The following CHD6 variants were observed in gnomAD, a reference collection of about 807,000 sequenced individuals.
CHD6 encodes the protein chromodomain helicase DNA binding protein 6, also known as ATP-dependent chromatin remodeler CHD6.
A neutral mutation model predicts 276.9 loss-of-function variants in CHD6; 50 were observed. That is an observed-to-expected ratio of 0.18 (90% CI 0.14 to 0.23). The LOEUF (loss-of-function observed/expected upper bound fraction) is 0.23, where lower values mean the gene tolerates loss of function less well. Among genes scored for constraint, CHD6 ranks in the 10% least tolerant of loss-of-function variants. The probability of loss-of-function intolerance (pLI) is 1.00; values close to 1 mark genes in which losing one functional copy is unlikely to be tolerated. For synonymous variants in CHD6, 1,173 were observed against 1,229.3 expected (o/e 0.95, Z 0.96); for missense variants, 2,564 against 3,365.8 (o/e 0.76, Z 5.89).
intron 1 of CHD6, among the ~76,000 whole-genome samples, chr20:41,617,815 CCCT>C (rs1042405771): frequency 5.3e-5 from 8 of 151,694 alleles, no homozygotes; most frequent in African/African-American, 1.9e-4. Context: ...CACCAGCCCA[CCCT>C]CCTCCACCCC....
At chr20:41,442,883 G>A (rs1279249266) in intron 25 of CHD6, among the ~76,000 whole-genome samples, 1 of 152,188 alleles carries the variant, frequency 6.6e-6, no homozygotes, top group African/African-American at 2.4e-5. Flanking sequence ...CATCTAAGTT[G>A]ACTCCAATGT....
At chr20:41,550,341 C>T (rs2045125537) in intron 2 of CHD6, among the ~76,000 whole-genome samples, 1 of 152,192 alleles carries the variant, frequency 6.6e-6, no homozygotes, top group South Asian at 2.1e-4. Context: ...ACTCTTTGAG[C>T]TAGGACAGAT....
intron 33 of CHD6, among the ~76,000 whole-genome samples, chr20:41,416,257 GT>G: frequency 6.6e-6 from 1 of 152,118 alleles, no homozygotes; most frequent in East Asian, 1.9e-4. Context: ...ATCTTTGCCA[GT>G]TCCCCCCTAT....
intron 17 of CHD6, among the ~76,000 whole-genome samples, chr20:41,468,609 T>C (rs559958357): frequency 6.6e-6 from 1 of 152,242 alleles, no homozygotes; most frequent in Non-Finnish European, 1.5e-5. Flanking sequence ...ACTGAATAAA[T>C]GACTACATAG....
intron 5 of CHD6, among the ~76,000 whole-genome samples, chr20:41,507,373 T>C (rs1222848576): frequency 2.1e-5 from 3 of 145,848 alleles, no homozygotes; most frequent in Admixed American, 6.9e-5. Context: ...ATTAAGGAGT[T>C]TGAAGTAAAA....
At chr20:41,469,142 C>T (rs2042996529) in intron 17 of CHD6, among the ~76,000 whole-genome samples, 1 of 152,180 alleles carries the variant, frequency 6.6e-6, no homozygotes, top group Non-Finnish European at 1.5e-5. Context: ...GGGCCTGTCT[C>T]CTCACTCTGG....
At chr20:41,424,108 G>C (rs545829237) in intron 29 of CHD6, among the ~76,000 whole-genome samples, 1 of 152,122 alleles carries the variant, frequency 6.6e-6, no homozygotes, top group Admixed American at 6.5e-5. Context: ...TATAGAAGCA[G>C]AGAATCCTGA....
At position 41,489,876 on chromosome 20, in the gene CHD6, A is replaced by G; in HGVS notation, c.1582T>C (p.Phe528Leu). The G allele has an allele frequency of 6.2e-7, 1 of 1,613,638 alleles. No individual in the cohort carries two copies. Among genetic ancestry groups the G allele is most frequent in the Non-Finnish European group, 8.5e-7 (1 of 1,179,884 alleles). ...GCATTCATCTCTGTCCATGTCCGGA[A>G]CTCCCGCTCCCAGTTAGTGATGGTG... ...LSTITNWERE[F>L]RTWTEMNAIV... Residue 528 changes from phenylalanine to leucine, a missense_variant, in exon 12 of 37, where the codon TTC becomes CTC. Coordinates refer to ENST00000373233, the MANE Select transcript of CHD6 (RefSeq NM_032221.5).
chr20:41,469,842 G>T (rs918559726), intron 17 of CHD6, among the ~76,000 whole-genome samples: 4 of 152,188 alleles, frequency 2.6e-5, no homozygotes, highest in African/African-American at 9.6e-5. Flanking sequence ...CAGTAATATT[G>T]CTAAGATCTC....
chr20:41,542,322 C>T (rs1026889970), intron 2 of CHD6, among the ~76,000 whole-genome samples: 2 of 152,166 alleles, frequency 1.3e-5, no homozygotes, highest in Non-Finnish European at 2.9e-5. Context: ...CTACCAGAGG[C>T]CCTAGGCCCA....
At chr20:41,521,763 C>T (rs867886077) in intron 3 of CHD6, among the ~76,000 whole-genome samples, 4 of 152,074 alleles carry the variant, frequency 2.6e-5, no homozygotes, top group Admixed American at 2.0e-4. Context: ...GGAAGACAGA[C>T]GATGAGCCCG....
intron 1 of CHD6, among the ~76,000 whole-genome samples, chr20:41,599,156 T>C (rs1173446417): frequency 6.6e-6 from 1 of 152,180 alleles, no homozygotes; most frequent in African/African-American, 2.4e-5. Context: ...GGGATGCCAT[T>C]AAAGGAATAG....
intron 1 of CHD6, among the ~76,000 whole-genome samples, chr20:41,589,325 T>C (rs1295161281): frequency 1.3e-5 from 2 of 152,166 alleles, no homozygotes; most frequent in Admixed American, 1.3e-4. Flanking sequence ...GGATGCCCTC[T>C]CTCACCACTC....
At chr20:41,442,717 G>A (rs1476611316) in intron 25 of CHD6, among the ~76,000 whole-genome samples, 3 of 152,186 alleles carry the variant, frequency 2.0e-5, no homozygotes, top group African/African-American at 7.2e-5. Context: ...TGTGATAAGG[G>A]CGAAGGTTAG....
chr20:41,577,483 G>C (rs2045487212), intron 1 of CHD6, among the ~76,000 whole-genome samples: 1 of 152,050 alleles, frequency 6.6e-6, no homozygotes, highest in Non-Finnish European at 1.5e-5. Flanking sequence ...GAATCTGGGG[G>C]CTATTTCTGC....
intron 1 of CHD6, among the ~76,000 whole-genome samples, chr20:41,584,219 T>C (rs1171138485): frequency 2.6e-5 from 4 of 152,108 alleles, no homozygotes; most frequent in African/African-American, 9.7e-5. Context: ...ACAAAGTAGA[T>C]TTGAAATAAA....
At chr20:41,595,306 T>G (rs1253841923) in intron 1 of CHD6, among the ~76,000 whole-genome samples, 1 of 152,178 alleles carries the variant, frequency 6.6e-6, no homozygotes, top group Non-Finnish European at 1.5e-5. Context: ...GTGAATGAGA[T>G]GCAGAATTAA....
intron 17 of CHD6, among the ~76,000 whole-genome samples, chr20:41,472,280 A>G (rs933211171): frequency 2.6e-5 from 4 of 151,500 alleles, no homozygotes; most frequent in African/African-American, 9.7e-5. Context: ...CAAAGCAGCA[A>G]CTCTGTAGGA....
At position 41,425,281 on chromosome 20, in the gene CHD6, G is replaced by A. The variant is rs1385781349; in HGVS notation, c.4243C>T (p.Arg1415Trp). ...YQRCNRKELC[R>W]PEILGPGNQG... Reference sequence around the variant, plus strand: ...TTACCTGGTCCCAGAATTTCAGGCCGGCACAGTTCCTTGCGGTTGCAGCGC... The same window carrying A: ...TTACCTGGTCCCAGAATTTCAGGCCAGCACAGTTCCTTGCGGTTGCAGCGC... The change falls in exon 29 of 37, where the codon CGG becomes TGG. Residue 1415 changes from arginine to tryptophan, a missense_variant. Physicochemically the swap from Arg to Trp is moderately radical, Grantham distance 101 (BLOSUM62 -3). Around this residue, in one of 7 missense-constraint regions of CHD6, gnomAD observed 515 missense variants for 739.5 expected, o/e 0.70. Coordinates refer to ENST00000373233, the MANE Select transcript of CHD6 (RefSeq NM_032221.5). 11 of 1,614,048 alleles carry A rather than the reference G, an allele frequency of 6.8e-6. No homozygotes were observed. The highest frequency in any genetic ancestry group is 9.3e-6 in the Non-Finnish European group (11 of 1,180,034).
Sources: allele counts gnomAD v4.1 joint callset (sites outside exome capture counted in the v4.1 genomes callset), GRCh38; gene constraint gnomAD v4.1.1; regional missense constraint gnomAD v4.1.1; transcripts MANE v1.5; gene names NCBI Gene and HGNC (gene_info 2026-07-23, HGNC 2026-07-21).